IL16: variants seen among roughly 807,000 people sequenced by gnomAD.
IL16 encodes the protein pro-interleukin-16.
IL16 carries 67 observed loss-of-function variants against 110.1 expected under a neutral mutation model. That is an observed-to-expected ratio of 0.61 (90% CI 0.50 to 0.75). The LOEUF is 0.75. IL16 is among the 30% of genes least tolerant of loss of function. IL16 has a pLI of 0.00. For missense variants in IL16, 1,545 were observed against 1,655.0 expected, an observed-to-expected ratio of 0.93 and a Z score of 1.15; for synonymous variants, 689 against 662.9, an observed-to-expected ratio of 1.04 and a Z score of -0.61.
intron 5 of IL16, 107 bp downstream of exon 5, chr15:81,269,755 C>T (rs535291027): frequency 2.2e-5 from 17 of 764,236 alleles, no homozygotes; most frequent in African/African-American, 6.8e-5. Flanking sequence ...GGTGTCCTGG[C>T]GCATCAGAAG....
At chr15:81,236,944 G>A (rs576466259) in intron 2 of IL16, among the ~76,000 whole-genome samples, 1 of 152,236 alleles carries the variant, frequency 6.6e-6, no homozygotes, top group African/African-American at 2.4e-5. Context: ...GGGTAACAGA[G>A]GGAGACTCCA....
At chr15:81,222,086 T>C (rs1896634532) in intron 1 of IL16, among the ~76,000 whole-genome samples, 2 of 152,100 alleles carry the variant, frequency 1.3e-5, no homozygotes, top group Admixed American at 6.6e-5. Context: ...ACAGTTATTG[T>C]ACATTGGAAG....
intron 12 of IL16, 42 bp from the exon 13 acceptor site, chr15:81,296,886 G>C: frequency 6.5e-7 from 1 of 1,541,934 alleles, no homozygotes; most frequent in Non-Finnish European, 8.8e-7. Context: ...ACAGCTTGAG[G>C]CTACCGTTTT....
chr15:81,196,857 G>C, upstream of IL16: 1 of 1,151,996 alleles, frequency 8.7e-7, no homozygotes, highest in Non-Finnish European at 1.1e-6. Context: ...GAGTCTTCGA[G>C]CAAATCCATG....
chr15:81,216,088 C>G (rs573311016), intron 1 of IL16, among the ~76,000 whole-genome samples: 3 of 152,338 alleles, frequency 2.0e-5, no homozygotes, highest in South Asian at 2.1e-4. Flanking sequence ...CAGCCCTGCT[C>G]TCTCCTGGCT....
intron 1 of IL16, among the ~76,000 whole-genome samples, chr15:81,219,257 A>G (rs534271540): frequency 6.6e-6 from 1 of 152,276 alleles, no homozygotes; most frequent in East Asian, 1.9e-4. Context: ...CTGCAGTGAC[A>G]TTGACTGAGT....
At chr15:81,297,133 GGATAA>G in intron 13 of IL16, 55 bp downstream of exon 13, 2 of 1,558,670 alleles carry the variant, frequency 1.3e-6, no homozygotes, top group Admixed American at 1.8e-5. Flanking sequence ...AAAGGTGCAG[GGATAA>G]GATAAGAGCA....
At position 81,308,587 on chromosome 15, in the gene IL16, C is replaced by T. The variant is rs1900689345; in HGVS notation, c.3806-18C>T. ...TCCCCATCATCTGTGGAACCCATTA[C>T]CTTCTCCCTCATTTCAGGAGCAGCC... On this transcript the variant is annotated intron_variant, in intron 18 of 18. Transcript: ENST00000683961. 1 of 1,579,832 alleles carries T rather than the reference C, an allele frequency of 6.3e-7. No individual in the cohort carries two copies. Among genetic ancestry groups the T allele is most frequent in the Non-Finnish European group, 8.6e-7 (1 of 1,163,324 alleles).
chr15:81,268,415 T>C (rs963427748), intron 4 of IL16, among the ~76,000 whole-genome samples: 2 of 152,246 alleles, frequency 1.3e-5, no homozygotes, highest in Non-Finnish European at 2.9e-5. Context: ...GAGGCCAGGC[T>C]GAGAGAAGTT....
At chr15:81,195,559 C>T (rs149185049), upstream of IL16, among the ~76,000 whole-genome samples, 371 of 152,312 alleles carry the variant, frequency 2.4e-3, 2 homozygotes, top group African/African-American at 8.7e-3. Flanking sequence ...AGAGTGCTCC[C>T]TCCTCCCGTG....
chr15:81,244,884 TTCAGA>T (rs1213826480), intron 2 of IL16, among the ~76,000 whole-genome samples: 2 of 152,174 alleles, frequency 1.3e-5, no homozygotes, highest in Non-Finnish European at 2.9e-5. Flanking sequence ...CTCTGTCTTG[TTCAGA>T]TTGAGTAATT....
At chr15:81,226,497 TACAG>T (rs1362412326) in intron 2 of IL16, among the ~76,000 whole-genome samples, 4 of 152,328 alleles carry the variant, frequency 2.6e-5, no homozygotes, top group Admixed American at 1.3e-4. Flanking sequence ...TAAGCCAACA[TACAG>T]ACATTTCTCC....
rs114255042 is a variant in IL16 at position 81,184,056 on chromosome 15, C to T, written c.40+1160C>T. Among the ~76,000 whole-genome samples the T allele has an allele frequency of 3.5e-3, 528 of 152,266 alleles. 4 individuals carry two copies. The highest frequency in any genetic ancestry group is 0.012 in the African/African-American group (505 of 41,542). On this transcript the variant is annotated intron_variant, in intron 1 of 18. Transcript: ENST00000302987. ...ATGAAGAAAAGAGTGCTTGAGGGCC[C>T]AAAGTAGCCCTGGCTCTTCGTATAG...
chr15:81,274,704 T>C (rs1354309196), intron 6 of IL16, among the ~76,000 whole-genome samples: 1 of 152,234 alleles, frequency 6.6e-6, no homozygotes, highest in Non-Finnish European at 1.5e-5. Flanking sequence ...TGGTTTTCTG[T>C]TCACATAGAA....
At chr15:81,189,776 A>G (rs1206251317) in intron 1 of IL16, among the ~76,000 whole-genome samples, 2 of 152,244 alleles carry the variant, frequency 1.3e-5, no homozygotes, top group Non-Finnish European at 2.9e-5. Context: ...AGGAACTTCA[A>G]GCGTCGGAGA....
chr15:81,250,874 T>G (rs1190215662), intron 2 of IL16, among the ~76,000 whole-genome samples: 2 of 152,212 alleles, frequency 1.3e-5, no homozygotes, highest in Non-Finnish European at 2.9e-5. Context: ...AATGAAGATA[T>G]AATCCTTTGG....
At chr15:81,282,876 C>T in intron 9 of IL16, 120 bp downstream of exon 9, 1 of 863,558 alleles carries the variant, frequency 1.2e-6, no homozygotes. Context: ...TGGTGGAGAT[C>T]AGCCGCTCCG....
chr15:81,222,374 GTTTT>G (rs3086708), intron 1 of IL16, among the ~76,000 whole-genome samples: 1 of 137,070 alleles, frequency 7.3e-6, no homozygotes, highest in African/African-American at 2.7e-5. Context: ...TTCCAGGAGG[GTTTT>G]TTTTTTTTTT....
chr15:81,299,992 G>A lies in IL16; in HGVS notation c.2666G>A (p.Arg889Gln), dbSNP rs17875512. 2,097 of 1,597,190 alleles carry A rather than the reference G, an allele frequency of 1.3e-3. 16 individuals carry two copies. In the African/African-American group the frequency reaches 0.026, roughly 20 times the overall value. ...EEGRFSGLLG[R>Q]GAAPTLVPQQ... Reference sequence around the variant, plus strand: ...GGACGGTTTTCTGGACTCTTGGGGCGAGGGGCTGCACCCACTCTTGTGCCC... The same window carrying A: ...GGACGGTTTTCTGGACTCTTGGGGCAAGGGGCTGCACCCACTCTTGTGCCC... The change falls in exon 14 of 19, where the codon CGA (arginine) becomes CAA (glutamine). Residue 889 changes from arginine to glutamine, a missense_variant. Around this residue, in one of 3 missense-constraint regions of IL16, gnomAD observed 1,185 missense variants for 1,238.8 expected, o/e 0.96. Transcript: ENST00000683961.
Sources: allele counts gnomAD v4.1 joint callset (sites outside exome capture counted in the v4.1 genomes callset), GRCh38; gene constraint gnomAD v4.1.1; regional missense constraint gnomAD v4.1.1; transcripts MANE v1.5; gene names NCBI Gene and HGNC (gene_info 2026-07-23, HGNC 2026-07-21).